IGF2BP3: variants seen among roughly 807,000 people sequenced by gnomAD.
The protein encoded by IGF2BP3 is insulin like growth factor 2 mRNA binding protein 3, also known as insulin-like growth factor 2 mRNA-binding protein 3.
Under a neutral mutation model 73.8 loss-of-function variants are expected in IGF2BP3, and 9 were observed. The observed-to-expected ratio is 0.12, with a 90% CI of 0.07 to 0.21. The LOEUF is 0.21. IGF2BP3 is among the 10% of genes least tolerant of loss of function. The pLI, the probability that IGF2BP3 is intolerant of heterozygous loss-of-function variation, is 1.00. For missense variants in IGF2BP3, 542 were observed against 714.0 expected, an observed-to-expected ratio of 0.76 and a Z score of 2.75; for synonymous variants, 258 against 256.7, an observed-to-expected ratio of 1.01 and a Z score of -0.05.
chr7:23,468,613 C>A lies in IGF2BP3; in HGVS notation c.176-71G>T, dbSNP rs574910634. On this transcript the variant is annotated intron_variant, in intron 1 of 14. Transcript: ENST00000258729. ...CTCCCTGCCCGAAGACCCGCACAGC[C>A]CAAGCGGCGACACAAATGGCCTCCT... 5.4e-5 allele frequency: 82 copies of A among 1,516,098 alleles called. 1 individual carries two copies. The South Asian group carries it at 8.6e-4, about 16-fold the overall frequency. The allele number at this position is 1,516,098 out of a possible 1,614,324, so 93.9% of individuals were successfully genotyped here.
In IGF2BP3 at chr7:23,318,913, G is replaced by A. The variant is rs552278792; in HGVS notation, c.1320+225C>T. Among the ~76,000 whole-genome samples, 97 of 152,302 alleles carry A rather than the reference G, an allele frequency of 6.4e-4. 1 individual carries two copies. In the Middle Eastern group the frequency reaches 0.041, roughly 64 times the overall value. On this transcript the variant is annotated intron_variant, in intron 11 of 14. Coordinates refer to ENST00000258729, the MANE Select transcript of IGF2BP3 (RefSeq NM_006547.3). ...GAACTTAGGTCCAAGGACTTGGTGG[G>A]GGCAGAGCCAACACCCAGCCCGGAT... is the stretch of plus-strand genomic sequence containing the variant.
chr7:23,389,677 C>T (rs1786207329), intron 3 of IGF2BP3, among the ~76,000 whole-genome samples: 1 of 151,734 alleles, frequency 6.6e-6, no homozygotes, highest in East Asian at 1.9e-4. Context: ...GAAAAGAAGC[C>T]ATGAATAGAA....
chr7:23,426,743 T>C (rs565469991), intron 2 of IGF2BP3, among the ~76,000 whole-genome samples: 7 of 152,286 alleles, frequency 4.6e-5, no homozygotes, highest in African/African-American at 1.7e-4. Flanking sequence ...CAATATTCCA[T>C]AGGGAGTGTT....
At chr7:23,409,688 A>C (rs997256157) in intron 3 of IGF2BP3, among the ~76,000 whole-genome samples, 4 of 152,234 alleles carry the variant, frequency 2.6e-5, no homozygotes, top group Non-Finnish European at 5.9e-5. Context: ...TTTACATGCA[A>C]AAAATAAAAC....
At chr7:23,460,120 G>A (rs1209516955) in intron 2 of IGF2BP3, among the ~76,000 whole-genome samples, 3 of 126,082 alleles carry the variant, frequency 2.4e-5, no homozygotes, top group South Asian at 2.9e-4. Context: ...GTAGGTGCCT[G>A]TAGTCTACAC....
chr7:23,336,021 G>C (rs902346337), intron 10 of IGF2BP3, among the ~76,000 whole-genome samples: 3 of 152,180 alleles, frequency 2.0e-5, no homozygotes, highest in Admixed American at 6.5e-5. Context: ...GGGAAGAAGA[G>C]AATATTGTGG....
intron 2 of IGF2BP3, among the ~76,000 whole-genome samples, chr7:23,452,002 T>A (rs1788211008): frequency 6.6e-6 from 1 of 151,514 alleles, no homozygotes; most frequent in Non-Finnish European, 1.5e-5. Context: ...CTTTTTTTTT[T>A]TTATTTATTT....
chr7:23,464,707 TAA>T, intron 2 of IGF2BP3, among the ~76,000 whole-genome samples: 1 of 142,530 alleles, frequency 7.0e-6, no homozygotes, highest in Non-Finnish European at 1.5e-5. Context: ...TAAATAAAAA[TAA>T]AAATAAAAAT....
intron 3 of IGF2BP3, among the ~76,000 whole-genome samples, chr7:23,412,079 C>T (rs539404485): frequency 2.7e-5 from 4 of 148,824 alleles, no homozygotes; most frequent in African/African-American, 1.0e-4. Context: ...GCATCCTAGG[C>T]TCAAGCAATT....
chr7:23,351,237 C>G (rs748039517), intron 6 of IGF2BP3, 68 bp downstream of exon 6: 4 of 1,555,718 alleles, frequency 2.6e-6, no homozygotes, highest in Non-Finnish European at 2.6e-6. Flanking sequence ...AGTACCAGAA[C>G]GACACACTGT....
At position 23,319,128 on chromosome 7, in the gene IGF2BP3, A is replaced by G; in HGVS notation, c.1320+10T>C. Reference sequence around the variant, plus strand: ...AAAGAACCAGAGAACCACAGCTGGTAGAACAGTACCTTAATTGAAGCTCCA... The same window carrying G: ...AAAGAACCAGAGAACCACAGCTGGTGGAACAGTACCTTAATTGAAGCTCCA... On this transcript the variant is annotated intron_variant, in intron 11 of 14. Coordinates refer to ENST00000258729, the MANE Select transcript of IGF2BP3 (RefSeq NM_006547.3). 2 of 1,556,220 alleles carry G rather than the reference A, an allele frequency of 1.3e-6. No homozygotes were observed. The highest frequency in any genetic ancestry group is 1.8e-6 in the Non-Finnish European group (2 of 1,132,508).
chr7:23,465,275 CTT>C (rs1788539648), intron 2 of IGF2BP3, among the ~76,000 whole-genome samples: 1 of 152,194 alleles, frequency 6.6e-6, no homozygotes, highest in African/African-American at 2.4e-5. Context: ...GAGTCAAAGT[CTT>C]CATGTTCTGT....
chr7:23,327,382 G>A (rs1784330903), intron 10 of IGF2BP3, among the ~76,000 whole-genome samples: 1 of 149,772 alleles, frequency 6.7e-6, no homozygotes, highest in African/African-American at 2.5e-5. Flanking sequence ...CCGGGTTCAC[G>A]CCATTCTCCT....
At chr7:23,367,651 C>T (rs1456081292) in intron 3 of IGF2BP3, among the ~76,000 whole-genome samples, 3 of 152,022 alleles carry the variant, frequency 2.0e-5, no homozygotes, top group Non-Finnish European at 4.4e-5. Flanking sequence ...CTAGAATTCC[C>T]CCGTTATGTA....
intron 3 of IGF2BP3, among the ~76,000 whole-genome samples, chr7:23,377,597 T>C (rs893801773): frequency 4.6e-5 from 7 of 152,244 alleles, no homozygotes; most frequent in Admixed American, 4.6e-4. Flanking sequence ...CCATATGATC[T>C]AGCAATTCCA....
chr7:23,457,699 G>A (rs1426953004), intron 2 of IGF2BP3, among the ~76,000 whole-genome samples: 2 of 152,178 alleles, frequency 1.3e-5, no homozygotes, highest in Non-Finnish European at 1.5e-5. Context: ...TATATTCAAA[G>A]ATGTCTGTGG....
chr7:23,427,390 C>T (rs1377545668), intron 2 of IGF2BP3, among the ~76,000 whole-genome samples: 1 of 152,126 alleles, frequency 6.6e-6, no homozygotes, highest in African/African-American at 2.4e-5. Flanking sequence ...TCCCTCACTT[C>T]TTCTTGAAAT....
At chr7:23,380,533 A>C (rs1188057146) in intron 3 of IGF2BP3, among the ~76,000 whole-genome samples, 1 of 152,118 alleles carries the variant, frequency 6.6e-6, no homozygotes, top group African/African-American at 2.4e-5. Flanking sequence ...ACTGTCATAC[A>C]TTACTCTCAT....
intron 3 of IGF2BP3, among the ~76,000 whole-genome samples, chr7:23,371,491 T>C (rs544414882): frequency 1.4e-4 from 21 of 152,324 alleles, no homozygotes; most frequent in African/African-American, 4.6e-4. Context: ...CAGTTAAATA[T>C]TGATATATAA....
Sources: gnomAD v4.1 joint callset for allele counts (sites outside exome capture counted in the v4.1 genomes callset) on GRCh38, gnomAD v4.1.1 for gene constraint, MANE v1.5 for transcripts, NCBI Gene and HGNC (gene_info 2026-07-23, HGNC 2026-07-21) for gene names.